OR51B5: variants seen among roughly 807,000 people sequenced by gnomAD.
OR51B5 encodes the protein olfactory receptor family 51 subfamily B member 5.
For missense variants in OR51B5, 456 were observed against 374.6 expected, an observed-to-expected ratio of 1.22 and a Z score of -1.79; for synonymous variants, 186 against 144.8, an observed-to-expected ratio of 1.28 and a Z score of -2.04.
intron 1 of OR51B5, among the ~76,000 whole-genome samples, chr11:5,379,826 G>A (rs1406361679): frequency 6.6e-6 from 1 of 152,020 alleles, no homozygotes; most frequent in Non-Finnish European, 1.5e-5. Context: ...CTGGCTTTCT[G>A]GGTTTCTCTC....
chr11:5,486,823 T>C (rs893955226), intron 1 of OR51B5, among the ~76,000 whole-genome samples: 5 of 152,154 alleles, frequency 3.3e-5, no homozygotes, highest in African/African-American at 4.8e-5. Flanking sequence ...TCAGTTATCT[T>C]TACTGCAGTA....
At chr11:5,483,467 C>T (rs1406925686) in intron 1 of OR51B5, among the ~76,000 whole-genome samples, 1 of 141,436 alleles carries the variant, frequency 7.1e-6, no homozygotes, top group African/African-American at 2.7e-5. Context: ...TGTAACTAAC[C>T]TGCACAACGT....
At chr11:5,399,734 G>C (rs768461747) in intron 1 of OR51B5, among the ~76,000 whole-genome samples, 26 of 148,508 alleles carry the variant, frequency 1.8e-4, no homozygotes, top group Non-Finnish European at 3.3e-4. Flanking sequence ...TCTGGCGGTA[G>C]AGACTCTGGA....
intron 1 of OR51B5, among the ~76,000 whole-genome samples, chr11:5,377,953 A>G (rs1007589084): frequency 2.6e-5 from 4 of 152,216 alleles, no homozygotes; most frequent in African/African-American, 9.6e-5. Context: ...CAGAATTGGA[A>G]AAACGACTTT....
At chr11:5,452,380 C>A (rs1850866110) in intron 1 of OR51B5, among the ~76,000 whole-genome samples, 1 of 151,844 alleles carries the variant, frequency 6.6e-6, no homozygotes, top group African/African-American at 2.4e-5. Flanking sequence ...GTGGCGGGAG[C>A]CTGTAGTCCC....
chr11:5,414,166 C>A (rs1220222246), intron 1 of OR51B5, among the ~76,000 whole-genome samples: 6 of 151,218 alleles, frequency 4.0e-5, no homozygotes, highest in East Asian at 1.9e-4. Flanking sequence ...CCCAGAATTT[C>A]ATATCCAGCC....
intron 1 of OR51B5, among the ~76,000 whole-genome samples, chr11:5,421,323 G>C (rs1454402624): frequency 2.6e-5 from 4 of 152,238 alleles, no homozygotes; most frequent in Non-Finnish European, 5.9e-5. Context: ...AGAAGCCACA[G>C]ATGGTGACGA....
intron 1 of OR51B5, among the ~76,000 whole-genome samples, chr11:5,399,534 G>A (rs1007430642): frequency 3.3e-5 from 5 of 152,136 alleles, no homozygotes; most frequent in African/African-American, 1.2e-4. Context: ...ATTCTGTCCA[G>A]CTCCAGGGGT....
At chr11:5,388,984 G>C (rs1390174140) in intron 1 of OR51B5, among the ~76,000 whole-genome samples, 1 of 152,132 alleles carries the variant, frequency 6.6e-6, no homozygotes, top group East Asian at 1.9e-4. Flanking sequence ...TGTTGCTAGA[G>C]TCTGGAAATC....
At chr11:5,500,968 A>C (rs964402321) in intron 1 of OR51B5, among the ~76,000 whole-genome samples, 7 of 148,358 alleles carry the variant, frequency 4.7e-5, no homozygotes, top group African/African-American at 1.7e-4. Flanking sequence ...CCTGTGATAG[A>C]AATGACCCTT....
intron 1 of OR51B5, among the ~76,000 whole-genome samples, chr11:5,413,310 A>C (rs1351594400): frequency 1.3e-5 from 2 of 152,064 alleles, no homozygotes; most frequent in Non-Finnish European, 2.9e-5. Flanking sequence ...AAAGACCAAA[A>C]GTAGATAAAA....
At chr11:5,353,081 C>G (rs1849127929) in intron 1 of OR51B5, among the ~76,000 whole-genome samples, 1 of 151,764 alleles carries the variant, frequency 6.6e-6, no homozygotes, top group Non-Finnish European at 1.5e-5. Flanking sequence ...GAGCTGGCTG[C>G]TGTTTCTAGA....
chr11:5,368,507 C>A (rs1345742072), intron 1 of OR51B5, among the ~76,000 whole-genome samples: 1 of 152,074 alleles, frequency 6.6e-6, no homozygotes, highest in South Asian at 2.1e-4. Flanking sequence ...GAAAATGAGA[C>A]AATTTGACCT....
intron 1 of OR51B5, chr11:5,422,528 T>C (rs1190586906): frequency 6.2e-7 from 1 of 1,614,208 alleles, no homozygotes; most frequent in South Asian, 1.1e-5. Flanking sequence ...TCATGGATTC[T>C]CCTTTATGGA....
chr11:5,404,377 AT>A, intron 1 of OR51B5, among the ~76,000 whole-genome samples: 1 of 152,228 alleles, frequency 6.6e-6, no homozygotes, highest in Non-Finnish European at 1.5e-5. Context: ...CTAGCTAAAG[AT>A]TAGTAAATAC....
intron 1 of OR51B5, among the ~76,000 whole-genome samples, chr11:5,371,782 T>C (rs1849452291): frequency 6.6e-6 from 1 of 152,184 alleles, no homozygotes; most frequent in South Asian, 2.1e-4. Flanking sequence ...ATCTAACATC[T>C]ACTGTCATAA....
chr11:5,402,146 G>C (rs2133741756), intron 1 of OR51B5, among the ~76,000 whole-genome samples: 1 of 151,952 alleles, frequency 6.6e-6, no homozygotes, highest in South Asian at 2.1e-4. Flanking sequence ...CAAGTAGCTG[G>C]GACTACAGGC....
chr11:5,358,738 A>T (rs150077364), intron 1 of OR51B5, among the ~76,000 whole-genome samples: 57,171 of 151,262 alleles, frequency 0.38, 11,018 homozygotes, highest in Non-Finnish European at 0.41. Flanking sequence ...GATGCAAAAA[A>T]CCTCAATAAA....
intron 1 of OR51B5, among the ~76,000 whole-genome samples, chr11:5,461,996 C>T (rs1332237586): frequency 1.3e-5 from 2 of 152,168 alleles, no homozygotes; most frequent in Non-Finnish European, 1.5e-5. Flanking sequence ...CATCATGGCT[C>T]TCTCCCCAAT....
Sources: allele counts gnomAD v4.1 joint callset (sites outside exome capture counted in the v4.1 genomes callset), GRCh38; gene constraint gnomAD v4.1.1; transcripts MANE v1.5; gene names NCBI Gene and HGNC (gene_info 2026-07-23, HGNC 2026-07-21).